GRHL2: variants seen among roughly 807,000 people sequenced by gnomAD.
GRHL2 encodes the protein grainyhead-like protein 2 homolog.
Under a neutral mutation model 83.8 loss-of-function variants are expected in GRHL2, and 21 were observed. That is an observed-to-expected ratio of 0.25 (90% CI 0.18 to 0.36). GRHL2 has a LOEUF of 0.36. Ranked by LOEUF, GRHL2 falls within the 10% of genes least tolerant of loss-of-function variation. The pLI is 1.00. For synonymous variants in GRHL2, 280 were observed against 278.9 expected (o/e 1.00, Z -0.04); for missense variants, 623 against 781.8 (o/e 0.80, Z 2.42).
intron 9 of GRHL2, among the ~76,000 whole-genome samples, chr8:101,621,118 G>C (rs572255352): frequency 2.9e-4 from 44 of 152,288 alleles, no homozygotes; most frequent in African/African-American, 1.0e-3. Flanking sequence ...CATGAAGCTA[G>C]AAGAAATCCT....
Position 101,552,608 on chromosome 8 carries a change from C to T in GRHL2, c.217-107C>T. Reference sequence around the variant, plus strand: ...GTGATAGCAACTTTTCCACCATTTCCTGGAGAACATTCCATTTTGGTTTCT... The same window carrying T: ...GTGATAGCAACTTTTCCACCATTTCTTGGAGAACATTCCATTTTGGTTTCT... On this transcript the variant is annotated intron_variant, in intron 2 of 15. Coordinates refer to ENST00000646743, the MANE Select transcript of GRHL2 (RefSeq NM_024915.4). 9 of 1,009,050 alleles carry T rather than the reference C, an allele frequency of 8.9e-6. No homozygotes were observed. The Admixed American group carries it at 1.6e-4, about 18-fold the overall frequency. 62.5% of individuals were successfully genotyped at this position (1,009,050 alleles called of 1,614,324 possible). A position where few individuals can be genotyped will look rare whatever the true frequency, so the allele number is the denominator to read the frequency against.
chr8:101,644,325 C>G (rs1427099419), intron 13 of GRHL2, 100 bp downstream of exon 13: 3 of 898,412 alleles, frequency 3.3e-6, no homozygotes, highest in Non-Finnish European at 5.4e-6. Flanking sequence ...TGGCTCTGTG[C>G]CAGCCTGGTG....
At chr8:101,560,966 G>A (rs1743410254) in intron 4 of GRHL2, among the ~76,000 whole-genome samples, 1 of 151,770 alleles carries the variant, frequency 6.6e-6, no homozygotes, top group Non-Finnish European at 1.5e-5. Flanking sequence ...CTTTCCATGA[G>A]CGACGGCATT....
intron 7 of GRHL2, among the ~76,000 whole-genome samples, chr8:101,592,228 C>T (rs1484852583): frequency 6.6e-6 from 1 of 151,362 alleles, no homozygotes; most frequent in Non-Finnish European, 1.5e-5. Context: ...CCTCAGCCTC[C>T]TGCATAGCTG....
intron 1 of GRHL2, 93 bp from the exon 2 acceptor site, chr8:101,543,148 A>G (rs1246301376): frequency 1.0e-6 from 1 of 962,842 alleles, no homozygotes. Context: ...GGAAATAAAA[A>G]TTAATGTTTG....
At chr8:101,578,460 G>A (rs555323487) in intron 7 of GRHL2, among the ~76,000 whole-genome samples, 43 of 152,344 alleles carry the variant, frequency 2.8e-4, no homozygotes, top group Non-Finnish European at 3.5e-4. Flanking sequence ...GCACATTACC[G>A]TGGAAAGTGC....
intron 13 of GRHL2, among the ~76,000 whole-genome samples, chr8:101,645,760 A>G (rs1813500108): frequency 6.6e-6 from 1 of 152,088 alleles, no homozygotes; most frequent in Non-Finnish European, 1.5e-5. Flanking sequence ...TATTATTAGT[A>G]ACTAGTTAAG....
At chr8:101,557,161 T>TA (rs1256372557) in intron 3 of GRHL2, among the ~76,000 whole-genome samples, 3 of 149,700 alleles carry the variant, frequency 2.0e-5, no homozygotes, top group Admixed American at 1.3e-4. Context: ...GTCTAAAAAA[T>TA]AAAAAAGGAC....
intron 1 of GRHL2, among the ~76,000 whole-genome samples, chr8:101,498,943 C>G (rs999145126): frequency 6.6e-6 from 1 of 151,892 alleles, no homozygotes; most frequent in Non-Finnish European, 1.5e-5. Flanking sequence ...GGCATGGTGG[C>G]GGGCACCTGT....
the GRHL2 span, among the ~76,000 whole-genome samples, chr8:101,678,748 C>A: frequency 2.0e-5 from 3 of 152,246 alleles, no homozygotes; most frequent in African/African-American, 7.2e-5. Flanking sequence ...AACGGGCAGA[C>A]TGCCTCCTCA....
At position 101,599,058 on chromosome 8, in the gene GRHL2, C is replaced by T. The variant is rs1007690679; in HGVS notation, c.1005C>T (p.Ala335=). Residue 335 remains alanine (A), a splice_region_variant and synonymous_variant, in exon 8 of 16, where the codon GCC becomes GCT. Transcript: ENST00000646743. ...HTAKQRVLDI[A]DYKESFNTIG... ...CTTGTTCTTTTTTTAATGTTACAGC[C>T]GATTACAAGGAGAGCTTTAATACGA... 23 of 1,605,378 alleles carry T rather than the reference C, an allele frequency of 1.4e-5. No individual in the cohort carries two copies. Among genetic ancestry groups the T allele is most frequent in the Middle Eastern group, 3.3e-4 (2 of 6,068 alleles).
chr8:101,627,647 G>C (rs1813105579), intron 9 of GRHL2, among the ~76,000 whole-genome samples: 1 of 152,094 alleles, frequency 6.6e-6, no homozygotes, highest in Non-Finnish European at 1.5e-5. Flanking sequence ...TTAAGCTTAG[G>C]GAGGAAGGCA....
downstream of GRHL2, among the ~76,000 whole-genome samples, chr8:101,670,296 T>C (rs1390526689): frequency 6.6e-6 from 1 of 152,216 alleles, no homozygotes; most frequent in Non-Finnish European, 1.5e-5. Context: ...CTGTCCATGA[T>C]TATCTCCCAA....
intron 1 of GRHL2, among the ~76,000 whole-genome samples, chr8:101,510,864 G>A (rs1810446857): frequency 6.6e-6 from 1 of 152,178 alleles, no homozygotes; most frequent in African/African-American, 2.4e-5. Flanking sequence ...GGAGGCTGAG[G>A]CAGGTGGATT....
intron 2 of GRHL2, among the ~76,000 whole-genome samples, chr8:101,551,059 C>T (rs1022581911): frequency 2.6e-5 from 4 of 152,060 alleles, no homozygotes; most frequent in Non-Finnish European, 5.9e-5. Flanking sequence ...AATAGTGCTG[C>T]AATGAACACA....
intron 5 of GRHL2, among the ~76,000 whole-genome samples, chr8:101,573,038 C>A (rs73701931): frequency 2.0e-5 from 3 of 152,186 alleles, no homozygotes; most frequent in South Asian, 2.1e-4. Flanking sequence ...TGGATTTGGC[C>A]TATGGGCCAT....
At chr8:101,543,899 T>C (rs1276812610) in intron 2 of GRHL2, 5 of 208,434 alleles carry the variant, frequency 2.4e-5, no homozygotes, top group Non-Finnish European at 4.8e-5. Context: ...CTCAGAATCA[T>C]GGCAGGAAGC....
chr8:101,673,347 A>G (rs1312209528), downstream of GRHL2, among the ~76,000 whole-genome samples: 3 of 152,006 alleles, frequency 2.0e-5, no homozygotes, highest in Admixed American at 1.3e-4. Flanking sequence ...AAATAAAGGG[A>G]TGGAGGAAGA....
chr8:101,523,103 G>A (rs1810724952), intron 1 of GRHL2, among the ~76,000 whole-genome samples: 1 of 151,690 alleles, frequency 6.6e-6, no homozygotes, highest in South Asian at 2.1e-4. Context: ...CGTAAAGATG[G>A]GTTTCACCAC....
Sources: allele counts gnomAD v4.1 joint callset (sites outside exome capture counted in the v4.1 genomes callset), GRCh38; gene constraint gnomAD v4.1.1; transcripts MANE v1.5; gene names NCBI Gene and HGNC (gene_info 2026-07-23, HGNC 2026-07-21).